ARHGAP15: variants seen among roughly 807,000 people sequenced by gnomAD.
ARHGAP15 encodes the protein Rho GTPase activating protein 15, also known as rho GTPase-activating protein 15.
Under a neutral mutation model 63.7 loss-of-function variants are expected in ARHGAP15, and 51 were observed. The observed-to-expected ratio is 0.80, with a 90% CI of 0.64 to 1.01. The LOEUF is 1.01. Ranked by LOEUF, ARHGAP15 falls within the 50% of genes least tolerant of loss-of-function variation. The pLI, the probability that ARHGAP15 is intolerant of heterozygous loss-of-function variation, is 0.00. For missense variants in ARHGAP15, 560 were observed against 564.6 expected, an observed-to-expected ratio of 0.99 and a Z score of 0.08; for synonymous variants, 191 against 193.8, an observed-to-expected ratio of 0.99 and a Z score of 0.12.
At chr2:143,272,784 T>G (rs540720530) in intron 6 of ARHGAP15, among the ~76,000 whole-genome samples, 1 of 152,358 alleles carries the variant, frequency 6.6e-6, no homozygotes, top group East Asian at 1.9e-4. Flanking sequence ...TCAGTACTAC[T>G]AAGGCCTGAC....
intron 2 of ARHGAP15, among the ~76,000 whole-genome samples, chr2:143,156,045 A>G (rs1269379438): frequency 3.5e-5 from 5 of 141,774 alleles, no homozygotes; most frequent in African/African-American, 1.4e-4. Flanking sequence ...AAAAAAAAAA[A>G]TCTCAAAAAA....
chr2:143,356,076 A>G (rs780057139), intron 6 of ARHGAP15, among the ~76,000 whole-genome samples: 5 of 151,956 alleles, frequency 3.3e-5, no homozygotes, highest in Admixed American at 6.6e-5. Flanking sequence ...GAGAGAGAGA[A>G]AGAAAGAAAG....
intron 4 of ARHGAP15, among the ~76,000 whole-genome samples, chr2:143,227,115 G>T (rs1181235039): frequency 6.6e-6 from 1 of 152,044 alleles, no homozygotes; most frequent in Non-Finnish European, 1.5e-5. Flanking sequence ...TGCTCTAATG[G>T]GTAGAAACTT....
At chr2:143,411,191 C>T (rs1490732043) in intron 6 of ARHGAP15, among the ~76,000 whole-genome samples, 6 of 151,496 alleles carry the variant, frequency 4.0e-5, no homozygotes, top group African/African-American at 9.7e-5. Flanking sequence ...GGCGACAGAG[C>T]GAGACTATCT....
At chr2:143,178,765 T>C (rs1314105526) in intron 2 of ARHGAP15, among the ~76,000 whole-genome samples, 2 of 152,208 alleles carry the variant, frequency 1.3e-5, no homozygotes, top group African/African-American at 4.8e-5. Flanking sequence ...GGCCCATTTT[T>C]CTGATCTTGT....
chr2:143,547,515 T>C (rs996846071), intron 10 of ARHGAP15, among the ~76,000 whole-genome samples: 3 of 152,036 alleles, frequency 2.0e-5, no homozygotes, highest in African/African-American at 7.2e-5. Flanking sequence ...TTTGAAAGTA[T>C]ACTACTGCCT....
chr2:143,195,010 G>A (rs1691833861), intron 2 of ARHGAP15, among the ~76,000 whole-genome samples: 1 of 152,092 alleles, frequency 6.6e-6, no homozygotes, highest in Admixed American at 6.6e-5. Flanking sequence ...AGGAGCGAGA[G>A]GCTGGTGGGC....
rs561057540 is a variant in ARHGAP15, at chr2:143,522,786, T to C, written c.925+3422T>C. On this transcript the variant is annotated intron_variant, in intron 10 of 13. Transcript: ENST00000295095. ...GCATTAAAACCCCTGGGCCATGGGTTGGGAAAGCTTGATGTAGAGGAAGGC... is the reference window on the plus strand; with the variant it reads ...GCATTAAAACCCCTGGGCCATGGGTCGGGAAAGCTTGATGTAGAGGAAGGC... Among the ~76,000 whole-genome samples the C allele has an allele frequency of 2.4e-4, 37 of 152,266 alleles. No homozygotes were observed. The South Asian group carries it at 7.5e-3, about 31-fold the overall frequency.
chr2:143,160,095 T>G (rs1382920541), intron 2 of ARHGAP15, among the ~76,000 whole-genome samples: 1 of 151,960 alleles, frequency 6.6e-6, no homozygotes, highest in Admixed American at 6.6e-5. Context: ...ACGGGTCTTC[T>G]TGACTTCCCT....
chr2:143,564,056 G>C (rs1471171039), intron 11 of ARHGAP15: 1 of 152,212 alleles, frequency 6.6e-6, no homozygotes, highest in East Asian at 1.9e-4. Context: ...CTGCTTCCAG[G>C]TTCACATAGT....
At chr2:143,577,842 G>A (rs1258402210) in intron 11 of ARHGAP15, among the ~76,000 whole-genome samples, 3 of 152,082 alleles carry the variant, frequency 2.0e-5, no homozygotes, top group Non-Finnish European at 2.9e-5. Flanking sequence ...TAAGGAGGGG[G>A]ATACTCCCCA....
At position 143,209,424 on chromosome 2, in the gene ARHGAP15, A is replaced by G. The variant is rs762777067; in HGVS notation, c.235-6960A>G. Among the ~76,000 whole-genome samples the G allele has an allele frequency of 1.2e-4, 18 of 152,128 alleles. 1 individual carries two copies. Among genetic ancestry groups the G allele is most frequent in the Admixed American group, 8.5e-4 (13 of 15,254 alleles). ...TATTTGTTGAGGCCATCACTGTGCT[A>G]GGCTTGGAATATGTGATAATATGCT... On this transcript the variant is annotated intron_variant, in intron 3 of 13. Transcript: ENST00000295095.
intron 13 of ARHGAP15, among the ~76,000 whole-genome samples, chr2:143,705,300 C>A (rs960373305): frequency 2.0e-5 from 3 of 152,148 alleles, no homozygotes; most frequent in African/African-American, 7.2e-5. Context: ...CTTCTTGTCA[C>A]TCCCACATAC....
chr2:143,592,462 C>G (rs1697357679), intron 11 of ARHGAP15, among the ~76,000 whole-genome samples: 1 of 152,130 alleles, frequency 6.6e-6, no homozygotes, highest in South Asian at 2.1e-4. Context: ...GTTAGGAGAC[C>G]TGTGAGATGA....
chr2:143,423,505 G>A (rs543333302), intron 6 of ARHGAP15, among the ~76,000 whole-genome samples: 1 of 152,140 alleles, frequency 6.6e-6, no homozygotes, highest in African/African-American at 2.4e-5. Context: ...TGGTCAGGGA[G>A]CTTAATGTGT....
rs1173776951 is a variant in ARHGAP15, at chr2:143,673,231, A to G, written c.1139-30188A>G. ...CAATTCTATATAGCATCTAGAAAACAAACAGAGTGTAGACTACCTTTGAGA... is the reference window on the plus strand; with the variant it reads ...CAATTCTATATAGCATCTAGAAAACGAACAGAGTGTAGACTACCTTTGAGA... On this transcript the variant is annotated intron_variant, in intron 12 of 13. Coordinates refer to ENST00000295095, the MANE Select transcript of ARHGAP15 (RefSeq NM_018460.4). Among the ~76,000 whole-genome samples the G allele has an allele frequency of 3.3e-5, 5 of 152,034 alleles. No homozygotes were observed. The East Asian group carries it at 9.6e-4, about 29-fold the overall frequency.
At chr2:143,557,335 T>C (rs1267420910) in intron 11 of ARHGAP15, among the ~76,000 whole-genome samples, 1 of 152,074 alleles carries the variant, frequency 6.6e-6, no homozygotes, top group African/African-American at 2.4e-5. Flanking sequence ...TTTCAAGCCA[T>C]GAAAAGACTT....
intron 11 of ARHGAP15, among the ~76,000 whole-genome samples, chr2:143,621,086 T>C (rs77378598): frequency 0.015 from 2,327 of 152,272 alleles, 55 homozygotes; most frequent in African/African-American, 0.052. Context: ...CATGGGGAGA[T>C]ACGTGGCAAT....
chr2:143,288,621 A>G (rs983398158), intron 6 of ARHGAP15, among the ~76,000 whole-genome samples: 2 of 110,544 alleles, frequency 1.8e-5, no homozygotes, highest in Admixed American at 1.0e-4. Flanking sequence ...TCCTCGGGAC[A>G]CTTTTTTTTT....
Sources: gnomAD v4.1 joint callset for allele counts (sites outside exome capture counted in the v4.1 genomes callset) on GRCh38, gnomAD v4.1.1 for gene constraint, MANE v1.5 for transcripts, NCBI Gene and HGNC (gene_info 2026-07-23, HGNC 2026-07-21) for gene names.